Variants in ALG5 observed in about 807,000 individuals in gnomAD.
ALG5 encodes ALG5 dolichyl-phosphate beta-glucosyltransferase.
ALG5 carries 26 observed loss-of-function variants against 51.8 expected under a neutral mutation model. The ratio of observed to expected loss-of-function variants is 0.50; its 90% CI spans 0.37 to 0.70. The LOEUF (loss-of-function observed/expected upper bound fraction) is 0.70. Ranked by LOEUF, ALG5 falls within the 30% of genes least tolerant of loss-of-function variation. The pLI, the probability that ALG5 is intolerant of heterozygous loss-of-function variation, is 0.00. For missense variants in ALG5, 311 were observed against 399.3 expected (o/e 0.78, Z 1.88); for synonymous variants, 141 against 136.1 (o/e 1.04, Z -0.25).
intron 1 of ALG5, among the ~76,000 whole-genome samples, chr13:36,996,090 T>G (rs967627128): frequency 6.6e-6 from 1 of 152,142 alleles, no homozygotes; most frequent in Non-Finnish European, 1.5e-5. Context: ...AGACCCAAGA[T>G]ATAAAAGGAA....
chr13:36,975,812 G>T (rs763290338), intron 6 of ALG5, among the ~76,000 whole-genome samples: 3 of 151,958 alleles, frequency 2.0e-5, no homozygotes, highest in Non-Finnish European at 4.4e-5. Flanking sequence ...CTTGAGACCA[G>T]GCGTTTGAGA....
At chr13:36,984,352 T>G (rs1045690766) in intron 6 of ALG5, among the ~76,000 whole-genome samples, 1 of 152,120 alleles carries the variant, frequency 6.6e-6, no homozygotes, top group Non-Finnish European at 1.5e-5. Flanking sequence ...CTTCCTGCCC[T>G]GGCCTCCCAC....
chr13:36,978,889 C>T (rs1454728879), intron 6 of ALG5, among the ~76,000 whole-genome samples: 5 of 140,148 alleles, frequency 3.6e-5, no homozygotes, highest in Non-Finnish European at 1.5e-5. Context: ...GCACTCCAGC[C>T]TGGGTGACAG....
chr13:36,956,262 C>T (rs1200067763), intron 8 of ALG5, among the ~76,000 whole-genome samples: 1 of 152,144 alleles, frequency 6.6e-6, no homozygotes, highest in Admixed American at 6.5e-5. Context: ...CTCAGCATCA[C>T]TAATCATTAA....
At chr13:36,972,157 T>TTATTTTCAATGAGAATATCTCA in intron 6 of ALG5, 121 bp from the exon 7 acceptor site, 1 of 806,606 alleles carries the variant, frequency 1.2e-6, no homozygotes, top group Non-Finnish European at 1.9e-6. Flanking sequence ...TTAAAAATCT[T>TTATTTTCAATGAGAATATCTCA]TTAAAGGTTT....
At chr13:36,996,610 A>C (rs900906688) in intron 1 of ALG5, among the ~76,000 whole-genome samples, 4 of 152,216 alleles carry the variant, frequency 2.6e-5, no homozygotes, top group Non-Finnish European at 5.9e-5. Flanking sequence ...AAACCATGAA[A>C]AATACTGTAA....
intron 6 of ALG5, among the ~76,000 whole-genome samples, chr13:36,972,820 G>A (rs7335245): frequency 2.1e-3 from 320 of 151,884 alleles, no homozygotes; most frequent in African/African-American, 2.0e-3. Context: ...GCGAAACCCC[G>A]TCTCTACTAA....
At chr13:36,971,938 AATTAAT>A (rs761572722) in intron 7 of ALG5, 33 bp downstream of exon 7, 30 of 1,522,176 alleles carry the variant, frequency 2.0e-5, no homozygotes, top group Non-Finnish European at 2.2e-5. Context: ...AATAAAAGCC[AATTAAT>A]TGGCTGTCCC....
chr13:36,972,005 G>A lies in ALG5; in HGVS notation c.593C>T (p.Ala198Val). 1 of 1,603,936 alleles carries A rather than the reference G, an allele frequency of 6.2e-7. No homozygotes were observed. The highest frequency in any genetic ancestry group is 8.5e-7 in the Non-Finnish European group (1 of 1,174,472). The part of the protein sequence containing the change: ...NQMAIACGSR[A>V]HLEKESIAQR... ...AGCAATTGATTCTTTTTCTAAATGA[G>A]CTCGAGATCCACATGCTATAGCCAT... The change falls in exon 7 of 10, where the codon GCT becomes GTT. Residue 198 changes from alanine to valine, a missense_variant. Ala to Val is a moderately conservative substitution (Grantham distance 64). Transcript: ENST00000239891.
intron 5 of ALG5, 131 bp from the exon 6 acceptor site, chr13:36,985,871 G>A (rs928031219): frequency 5.8e-6 from 3 of 516,808 alleles, no homozygotes; most frequent in African/African-American, 1.9e-5. Flanking sequence ...GGAGGCCAGA[G>A]TTCACTGAAA....
chr13:36,999,320 C>T lies in ALG5; in HGVS notation c.-20G>A, dbSNP rs779280718. The stretch of plus-strand genomic sequence containing the variant: ...AGCCATTCTCCATGCCGTGGCAGCC[C>T]GCCCAATCCCGCACCTCCACACAGG... On this transcript the variant is annotated 5_prime_UTR_variant, in exon 1 of 10. Transcript: ENST00000239891. 19 of 1,561,976 alleles carry T rather than the reference C, an allele frequency of 1.2e-5. No homozygotes were observed. Among genetic ancestry groups the T allele is most frequent in the African/African-American group, 1.4e-5 (1 of 70,806 alleles).
chr13:36,994,290 TA>T (rs1238571913), intron 3 of ALG5, among the ~76,000 whole-genome samples: 2 of 152,320 alleles, frequency 1.3e-5, no homozygotes, highest in African/African-American at 4.8e-5. Flanking sequence ...TTCCCCTTTA[TA>T]CAAAAAATCT....
chr13:36,950,184 A>G, intron 9 of ALG5, 127 bp from the exon 10 acceptor site: 1 of 547,074 alleles, frequency 1.8e-6, no homozygotes, highest in Middle Eastern at 4.4e-4. Flanking sequence ...TCATGGACCA[A>G]AAAGTTAAAC....
chr13:36,967,336 T>C (rs1306016270), intron 7 of ALG5, among the ~76,000 whole-genome samples: 1 of 152,168 alleles, frequency 6.6e-6, no homozygotes, highest in Non-Finnish European at 1.5e-5. Context: ...ACAAGTTACT[T>C]CAGCCCTCTA....
intron 7 of ALG5, among the ~76,000 whole-genome samples, chr13:36,970,212 G>A (rs184412384): frequency 2.6e-5 from 4 of 152,168 alleles, no homozygotes; most frequent in Admixed American, 2.6e-4. Context: ...ATATCTAGGA[G>A]TGTGCTATTC....
In ALG5 at chr13:36,949,933, G is replaced by T; in HGVS notation, c.*9C>A. On this transcript the variant is annotated 3_prime_UTR_variant, in exon 10 of 10. Coordinates refer to ENST00000239891, the MANE Select transcript of ALG5 (RefSeq NM_013338.5). ...AAGCATAAGAACACAACTGAAGACT[G>T]CAAACAACCTAATTCATTTTCCGAG... 1 of 1,586,390 alleles carries T rather than the reference G, an allele frequency of 6.3e-7. No individual in the cohort carries two copies. The highest frequency in any genetic ancestry group is 8.6e-7 in the Non-Finnish European group (1 of 1,159,260).
At chr13:36,955,806 A>G (rs2058837516) in intron 8 of ALG5, among the ~76,000 whole-genome samples, 1 of 151,908 alleles carries the variant, frequency 6.6e-6, no homozygotes, top group African/African-American at 2.4e-5. Flanking sequence ...ACGAAACTGG[A>G]CCCTTATATC....
intron 6 of ALG5, among the ~76,000 whole-genome samples, chr13:36,975,632 T>C (rs1230972074): frequency 6.6e-6 from 1 of 152,236 alleles, no homozygotes; most frequent in East Asian, 1.9e-4. Context: ...AAAGAACATC[T>C]TTGAATATAA....
At chr13:36,950,759 A>AT (rs917122518) in intron 9 of ALG5, among the ~76,000 whole-genome samples, 6 of 151,648 alleles carry the variant, frequency 4.0e-5, no homozygotes, top group South Asian at 2.1e-4. Context: ...TAATTTTACA[A>AT]TTTTTTTATA....
Sources: gnomAD v4.1 joint callset for allele counts (sites outside exome capture counted in the v4.1 genomes callset) on GRCh38, gnomAD v4.1.1 for gene constraint, MANE v1.5 for transcripts, NCBI Gene and HGNC (gene_info 2026-07-23, HGNC 2026-07-21) for gene names.